FAM185A: variants seen among roughly 807,000 people sequenced by gnomAD.
FAM185A encodes family with sequence similarity 185 member A.
FAM185A carries 21 observed loss-of-function variants against 45.7 expected under a neutral mutation model. The observed-to-expected ratio is 0.46, with a 90% CI of 0.33 to 0.66. The LOEUF is 0.66. FAM185A is among the 30% of genes least tolerant of loss of function. The pLI is 0.03. For synonymous variants in FAM185A, 117 were observed against 194.0 expected (o/e 0.60, Z 3.30); for missense variants, 305 against 485.4 (o/e 0.63, Z 3.49).
At chr7:102,783,390 T>A (rs1335607033) in intron 6 of FAM185A, among the ~76,000 whole-genome samples, 2 of 151,904 alleles carry the variant, frequency 1.3e-5, no homozygotes, top group East Asian at 1.9e-4. Context: ...AATTGACCAC[T>A]TAGTTGGAAG....
In FAM185A at chr7:102,786,157, C is replaced by T. The variant is rs201957351; in HGVS notation, c.932-1178C>T. On this transcript the variant is annotated intron_variant, in intron 6 of 7. Coordinates refer to ENST00000413034, the MANE Select transcript of FAM185A (RefSeq NM_001145268.2). ...TACCATCTCACACCAGTTAGAATGGCGATCATTAAAAAGTCAGGAAACAAC... is the reference window on the plus strand; with the variant it reads ...TACCATCTCACACCAGTTAGAATGGTGATCATTAAAAAGTCAGGAAACAAC... Among the ~76,000 whole-genome samples the T allele has an allele frequency of 0.014, 2,092 of 152,080 alleles. 118 individuals carry two copies. The East Asian group carries it at 0.16, about 12-fold the overall frequency.
At chr7:102,779,362 A>T (rs1484433062) in intron 6 of FAM185A, among the ~76,000 whole-genome samples, 5 of 152,020 alleles carry the variant, frequency 3.3e-5, no homozygotes, top group African/African-American at 1.2e-4. Flanking sequence ...AAAGATATGG[A>T]GGGAGATGGG....
chr7:102,822,356 C>G, the FAM185A span: 1 of 784,148 alleles, frequency 1.3e-6, no homozygotes. Context: ...GCTGGGAAGT[C>G]CAAGACTGAG....
downstream of FAM185A, among the ~76,000 whole-genome samples, chr7:102,812,092 TAGAA>T (rs1416888460): frequency 2.9e-4 from 44 of 152,248 alleles, no homozygotes; most frequent in African/African-American, 5.3e-4. Context: ...ATTGAGGAAA[TAGAA>T]AGGTTAAAAG....
intron 4 of FAM185A, among the ~76,000 whole-genome samples, chr7:102,770,174 CTT>C (rs1794663461): frequency 6.6e-6 from 1 of 151,826 alleles, no homozygotes; most frequent in African/African-American, 2.4e-5. Flanking sequence ...AGTCAGTAGA[CTT>C]AGCACTCTGT....
At chr7:102,822,439 A>G in the FAM185A span, 21 of 638,244 alleles carry the variant, frequency 3.3e-5, 1 homozygote, top group East Asian at 6.4e-5. Flanking sequence ...CATTCTTGCT[A>G]TCTTCTCACA....
intron 5 of FAM185A, among the ~76,000 whole-genome samples, chr7:102,776,530 A>C (rs547771114): frequency 2.6e-5 from 4 of 152,018 alleles, no homozygotes; most frequent in African/African-American, 9.7e-5. Context: ...AGAAACTTGA[A>C]AAGAACTATT....
At chr7:102,825,430 T>A in the FAM185A span, among the ~76,000 whole-genome samples, 1 of 152,142 alleles carries the variant, frequency 6.6e-6, no homozygotes, top group Admixed American at 6.5e-5. Flanking sequence ...CTGCAGAGAG[T>A]CCTTGCCAGC....
chr7:102,819,799 G>T, the FAM185A span, among the ~76,000 whole-genome samples: 16 of 152,188 alleles, frequency 1.1e-4, no homozygotes, highest in African/African-American at 3.4e-4. Flanking sequence ...GTGAGCATAG[G>T]TAAGGGATTA....
At chr7:102,788,822 G>T (rs551774830) in intron 7 of FAM185A, among the ~76,000 whole-genome samples, 90 of 152,244 alleles carry the variant, frequency 5.9e-4, no homozygotes, top group African/African-American at 2.0e-3. Context: ...TGTACAGCAG[G>T]CTACTGTACT....
At chr7:102,784,059 T>A (rs1175296545) in intron 6 of FAM185A, among the ~76,000 whole-genome samples, 1 of 152,206 alleles carries the variant, frequency 6.6e-6, no homozygotes, top group Non-Finnish European at 1.5e-5. Context: ...TAAACACCTC[T>A]ACGGAAATAA....
At chr7:102,841,868 C>T in the FAM185A span, among the ~76,000 whole-genome samples, 2 of 152,174 alleles carry the variant, frequency 1.3e-5, no homozygotes, top group African/African-American at 4.8e-5. Flanking sequence ...CCAAGCAGCA[C>T]AGATTTCCAT....
intron 7 of FAM185A, among the ~76,000 whole-genome samples, chr7:102,801,924 A>G (rs1796821699): frequency 6.9e-6 from 1 of 144,406 alleles, no homozygotes; most frequent in African/African-American, 2.8e-5. Context: ...TACGTCTCAA[A>G]AAAAAAAAAA....
the FAM185A span, among the ~76,000 whole-genome samples, chr7:102,834,166 G>C: frequency 7.0e-6 from 1 of 142,986 alleles, no homozygotes; most frequent in Admixed American, 6.8e-5. Flanking sequence ...AAAAGAAAAA[G>C]GAGGAAATTT....
chr7:102,784,327 C>G (rs1354311719), intron 6 of FAM185A, among the ~76,000 whole-genome samples: 1 of 151,808 alleles, frequency 6.6e-6, no homozygotes, highest in Non-Finnish European at 1.5e-5. Context: ...CTTCCTAACT[C>G]ATTTTATGAG....
intron 4 of FAM185A, among the ~76,000 whole-genome samples, chr7:102,762,093 T>G (rs146044562): frequency 0.016 from 2,488 of 152,326 alleles, 29 homozygotes; most frequent in Middle Eastern, 0.041. Flanking sequence ...GAGGGTTAAA[T>G]TAATGAAACA....
At chr7:102,820,517 G>A in the FAM185A span, among the ~76,000 whole-genome samples, 9 of 152,324 alleles carry the variant, frequency 5.9e-5, no homozygotes, top group Non-Finnish European at 1.2e-4. Context: ...AGACCGAGCA[G>A]TTAAGGCAGG....
the FAM185A span, among the ~76,000 whole-genome samples, chr7:102,820,662 G>T: frequency 6.6e-6 from 1 of 152,178 alleles, no homozygotes; most frequent in African/African-American, 2.4e-5. Flanking sequence ...ATAAAGAAAA[G>T]AAATTTATTG....
chr7:102,795,146 C>T (rs1203268797), intron 7 of FAM185A, among the ~76,000 whole-genome samples: 19 of 152,022 alleles, frequency 1.2e-4, no homozygotes, highest in Admixed American at 3.9e-4. Flanking sequence ...CAAAGACATA[C>T]CCGAAAAATG....
Sources: allele counts gnomAD v4.1 joint callset (sites outside exome capture counted in the v4.1 genomes callset), GRCh38; gene constraint gnomAD v4.1.1; transcripts MANE v1.5; gene names NCBI Gene and HGNC (gene_info 2026-07-23, HGNC 2026-07-21).